RAB8B: variants seen among roughly 807,000 people sequenced by gnomAD.
The protein encoded by RAB8B is RAB8B, member RAS oncogene family.
RAB8B carries 11 observed loss-of-function variants against 32.0 expected under a neutral mutation model. The observed-to-expected ratio is 0.34, with a 90% CI of 0.22 to 0.57. The LOEUF is 0.57. Ranked by LOEUF, RAB8B falls within the 20% of genes least tolerant of loss-of-function variation. The pLI is 0.86. For missense variants in RAB8B, 190 were observed against 258.5 expected (o/e 0.73, Z 1.82); for synonymous variants, 103 against 89.6 (o/e 1.15, Z -0.85).
intron 1 of RAB8B, among the ~76,000 whole-genome samples, chr15:63,236,202 C>A (rs1360455685): frequency 1.3e-5 from 2 of 152,114 alleles, no homozygotes; most frequent in African/African-American, 4.8e-5. Flanking sequence ...TTATAAGCAA[C>A]CATTTAGCAT....
chr15:63,231,646 T>C (rs2037938040), intron 1 of RAB8B, among the ~76,000 whole-genome samples: 1 of 152,180 alleles, frequency 6.6e-6, no homozygotes. Flanking sequence ...GGGGTTTTCC[T>C]GCTACAAAGG....
rs2038188409 is a variant in RAB8B at position 63,259,763 on chromosome 15, T to G, written c.480+71T>G. On this transcript the variant is annotated intron_variant, in intron 6 of 7. Transcript: ENST00000321437. This position sits in a 1 kb window ranked among gnomAD's most constrained non-coding sequence, Gnocchi z 4.4. ...TTAGGGGCCTGTGTTCAAACAGCTC[T>G]CAGAGCTTTGGTATTTTCTGACCTA... 3.0e-6 allele frequency: 4 copies of G among 1,340,898 alleles called. No individual in the cohort carries two copies. The Admixed American group carries it at 5.4e-5, about 18-fold the overall frequency. The allele number at this position is 1,340,898 out of a possible 1,614,324, so 83.1% of individuals were successfully genotyped here. A position where few individuals can be genotyped will look rare whatever the true frequency, so the allele number is the denominator to read the frequency against.
intron 5 of RAB8B, among the ~76,000 whole-genome samples, chr15:63,257,800 C>G (rs2038170225): frequency 6.6e-6 from 1 of 151,830 alleles, no homozygotes; most frequent in Admixed American, 6.5e-5. Context: ...GTGGCTCATA[C>G]CTGTCATCCC....
chr15:63,220,239 GTTCT>G (rs2037832944), intron 1 of RAB8B, among the ~76,000 whole-genome samples: 1 of 152,056 alleles, frequency 6.6e-6, no homozygotes, highest in South Asian at 2.1e-4. Context: ...AGAACCTTTC[GTTCT>G]ATTTCATTTC....
Position 63,266,098 on chromosome 15 carries a change from C to T in RAB8B, c.*2479C>T, listed in dbSNP as rs1257640801. On this transcript the variant is annotated 3_prime_UTR_variant, in exon 8 of 8. Transcript: ENST00000321437. Reference sequence around the variant, plus strand: ...TTCTATTTGTAGATGAATTTAATGACAGATAATTGTCTGTTCCCCGCTGAA... The same window carrying T: ...TTCTATTTGTAGATGAATTTAATGATAGATAATTGTCTGTTCCCCGCTGAA... 1 of 152,524 alleles carries T rather than the reference C, an allele frequency of 6.6e-6. No homozygotes were observed. The highest frequency in any genetic ancestry group is 1.5e-5 in the Non-Finnish European group (1 of 67,992). The allele number at this position is 152,524 out of a possible 1,614,324, so 9.4% of individuals were successfully genotyped here.
chr15:63,242,331 G>A (rs550142300), intron 1 of RAB8B, among the ~76,000 whole-genome samples: 3 of 152,100 alleles, frequency 2.0e-5, no homozygotes, highest in East Asian at 2.0e-4. Flanking sequence ...TGCTTTCAAT[G>A]TTTATATGAA....
At chr15:63,207,697 C>G (rs375068710) in intron 1 of RAB8B, among the ~76,000 whole-genome samples, 6 of 152,050 alleles carry the variant, frequency 3.9e-5, no homozygotes, top group East Asian at 1.9e-4. Context: ...GTAGCTGGGA[C>G]TACAGGTGCG....
chr15:63,198,154 A>G (rs1056753250), intron 1 of RAB8B, among the ~76,000 whole-genome samples: 1 of 152,164 alleles, frequency 6.6e-6, no homozygotes, highest in Non-Finnish European at 1.5e-5. Flanking sequence ...AAAAAAAGTT[A>G]CTTAGTTGCT....
chr15:63,231,533 T>C (rs1170368446), intron 1 of RAB8B, among the ~76,000 whole-genome samples: 1 of 151,542 alleles, frequency 6.6e-6, no homozygotes, highest in Non-Finnish European at 1.5e-5. Flanking sequence ...TTGAATGTCT[T>C]CAGAGTATTC....
intron 2 of RAB8B, among the ~76,000 whole-genome samples, chr15:63,246,004 C>T (rs939769845): frequency 2.0e-5 from 3 of 152,154 alleles, no homozygotes; most frequent in Admixed American, 6.5e-5. Context: ...TCCTGAGTAG[C>T]TGGGATTACA....
intron 2 of RAB8B, among the ~76,000 whole-genome samples, chr15:63,245,031 G>A (rs546674711): frequency 3.9e-5 from 6 of 152,362 alleles, no homozygotes; most frequent in East Asian, 1.9e-4. Flanking sequence ...GAAGCCAGAA[G>A]AGATCTGATA....
intron 1 of RAB8B, among the ~76,000 whole-genome samples, chr15:63,191,174 C>T (rs1248914618): frequency 6.6e-6 from 1 of 152,156 alleles, no homozygotes; most frequent in Non-Finnish European, 1.5e-5. Flanking sequence ...ATTTAGTCAT[C>T]TTTCGTATGG....
intron 1 of RAB8B, among the ~76,000 whole-genome samples, chr15:63,242,092 C>T (rs1024088776): frequency 6.6e-6 from 1 of 150,622 alleles, no homozygotes. Context: ...ATTACTTTTG[C>T]AGCAACCTAA....
At chr15:63,201,337 C>T (rs760567627) in intron 1 of RAB8B, among the ~76,000 whole-genome samples, 6 of 152,092 alleles carry the variant, frequency 3.9e-5, no homozygotes, top group Non-Finnish European at 4.4e-5. Context: ...AGATTGGACC[C>T]CAAAGGAGGA....
intron 3 of RAB8B, among the ~76,000 whole-genome samples, chr15:63,253,114 A>G (rs1156488924): frequency 6.6e-6 from 1 of 152,166 alleles, no homozygotes; most frequent in Admixed American, 6.5e-5. Context: ...CGTGTAGCCA[A>G]AGTGAAGCAT....
At chr15:63,221,573 G>A (rs2037844711) in intron 1 of RAB8B, among the ~76,000 whole-genome samples, 1 of 152,068 alleles carries the variant, frequency 6.6e-6, no homozygotes, top group African/African-American at 2.4e-5. Flanking sequence ...AGTTCACCAG[G>A]TCATCCTGTC....
At position 63,212,156 on chromosome 15, in the gene RAB8B, G is replaced by A. The variant is rs2037753150; in HGVS notation, c.124+22408G>A. On this transcript the variant is annotated intron_variant, in intron 1 of 7. Transcript: ENST00000321437. The stretch of plus-strand genomic sequence containing the variant: ...CCTAAAAGCCCCATCTTCCTACACA[G>A]TGCGTTGTAGTCTTTCCTCCTGAAT... Among the ~76,000 whole-genome samples, 6 of 152,140 alleles carry A rather than the reference G, an allele frequency of 3.9e-5. No homozygotes were observed. In the South Asian group the frequency reaches 1.2e-3, roughly 32 times the overall value.
At chr15:63,207,111 C>T (rs760781921) in intron 1 of RAB8B, among the ~76,000 whole-genome samples, 4 of 152,192 alleles carry the variant, frequency 2.6e-5, no homozygotes, top group Non-Finnish European at 5.9e-5. Flanking sequence ...TGTCTGTTCT[C>T]TAGGTTTTCC....
chr15:63,262,756 A>G lies in RAB8B; in HGVS notation c.531+14A>G. ...AACAGAAAAATGGTTTGTATCACTTATAATTTTTATTTCCATTATGCTGTC... is the reference window on the plus strand; with the variant it reads ...AACAGAAAAATGGTTTGTATCACTTGTAATTTTTATTTCCATTATGCTGTC... On this transcript the variant is annotated intron_variant, in intron 7 of 7. Coordinates refer to ENST00000321437, the MANE Select transcript of RAB8B (RefSeq NM_016530.3). 2 of 1,365,418 alleles carry G rather than the reference A, an allele frequency of 1.5e-6. No individual in the cohort carries two copies. Among genetic ancestry groups the G allele is most frequent in the Non-Finnish European group, 2.0e-6 (2 of 1,022,534 alleles). The allele number at this position is 1,365,418 out of a possible 1,614,324, so 84.6% of individuals were successfully genotyped here.
Sources: allele counts gnomAD v4.1 joint callset (sites outside exome capture counted in the v4.1 genomes callset), GRCh38; gene constraint gnomAD v4.1.1; non-coding constraint Gnocchi (gnomAD v3.1); transcripts MANE v1.5; gene names NCBI Gene and HGNC (gene_info 2026-07-23, HGNC 2026-07-21).